Variants in EHMT1 observed in about 807,000 individuals in gnomAD.
EHMT1 encodes the protein euchromatic histone lysine methyltransferase 1.
A neutral mutation model predicts 147.2 loss-of-function variants in EHMT1; 15 were observed. The ratio of observed to expected loss-of-function variants is 0.10; its 90% confidence interval spans 0.07 to 0.16. EHMT1 has a LOEUF of 0.16. Ranked by LOEUF, EHMT1 falls within the 10% of genes least tolerant of loss-of-function variation. EHMT1 has a pLI of 1.00. For synonymous variants in EHMT1, 795 were observed against 709.6 expected (o/e 1.12, Z -1.91); for missense variants, 1,587 against 1,772.4 (o/e 0.90, Z 1.88).
intron 10 of EHMT1, among the ~76,000 whole-genome samples, chr9:137,768,762 G>T (rs1454810661): frequency 6.6e-6 from 1 of 151,362 alleles, no homozygotes; most frequent in Non-Finnish European, 1.5e-5. Context: ...TTTTTAGCCG[G>T]GATGGTCTCG....
chr9:137,772,733 C>T (rs1472698503), intron 10 of EHMT1, among the ~76,000 whole-genome samples: 2 of 152,222 alleles, frequency 1.3e-5, no homozygotes, highest in South Asian at 2.1e-4. Context: ...CTTCAGGATC[C>T]GGTCAGCAGT....
chr9:137,832,209 C>T (rs2133099363), intron 25 of EHMT1, among the ~76,000 whole-genome samples: 1 of 151,094 alleles, frequency 6.6e-6, no homozygotes, highest in Non-Finnish European at 1.5e-5. Context: ...GCCCCACCTC[C>T]TACATGGCCT....
intron 1 of EHMT1, among the ~76,000 whole-genome samples, chr9:137,669,343 A>AAGACCCACAGCACGTGCACT (rs1564562442): frequency 1.3e-4 from 1 of 7,456 alleles, no homozygotes; most frequent in Admixed American, 1.6e-3. Context: ...CGTGGACCCC[A>AAGACCCACAGCACGTGCACT]CACCACCCAA....
chr9:137,706,688 T>C (rs1944296676), intron 1 of EHMT1, among the ~76,000 whole-genome samples: 1 of 152,056 alleles, frequency 6.6e-6, no homozygotes, highest in Non-Finnish European at 1.5e-5. Flanking sequence ...GGTTTTGCCA[T>C]GTTGGCCAGA....
intron 1 of EHMT1, among the ~76,000 whole-genome samples, chr9:137,688,308 G>A (rs1942634272): frequency 6.6e-6 from 1 of 152,222 alleles, no homozygotes; most frequent in Non-Finnish European, 1.5e-5. Context: ...ATAAGAGTGA[G>A]CCATTGTGCC....
chr9:137,812,468 G>A (rs1954572365), intron 19 of EHMT1, among the ~76,000 whole-genome samples: 1 of 152,256 alleles, frequency 6.6e-6, no homozygotes, highest in South Asian at 2.1e-4. Flanking sequence ...AACTGTGGGT[G>A]CTCCAGGCAC....
intron 1 of EHMT1, among the ~76,000 whole-genome samples, chr9:137,694,479 G>A (rs923416837): frequency 4.6e-5 from 7 of 152,200 alleles, no homozygotes; most frequent in African/African-American, 9.7e-5. Flanking sequence ...GGCCGGCTCC[G>A]TGCCCTTCTT....
chr9:137,723,687 C>T (rs763249119), intron 3 of EHMT1, among the ~76,000 whole-genome samples: 1 of 152,244 alleles, frequency 6.6e-6, no homozygotes, highest in African/African-American at 2.4e-5. Context: ...CCTGCCACCC[C>T]AAACCCAATT....
At chr9:137,765,750 C>G (rs935709769) in intron 10 of EHMT1, among the ~76,000 whole-genome samples, 1 of 150,260 alleles carries the variant, frequency 6.7e-6, no homozygotes, top group African/African-American at 2.5e-5. Flanking sequence ...ACTCCCACAA[C>G]GCCCACTTCC....
intron 1 of EHMT1, among the ~76,000 whole-genome samples, chr9:137,632,628 T>C (rs1380517553): frequency 6.6e-6 from 1 of 152,210 alleles, no homozygotes; most frequent in African/African-American, 2.4e-5. Context: ...GGTCTCGAGC[T>C]CTTGGACTCA....
chr9:137,794,686 A>G (rs531143577), intron 16 of EHMT1, among the ~76,000 whole-genome samples: 46 of 152,006 alleles, frequency 3.0e-4, no homozygotes, highest in African/African-American at 1.0e-3. Flanking sequence ...AAAACAGCAC[A>G]TTACATCTAG....
intron 16 of EHMT1, among the ~76,000 whole-genome samples, chr9:137,793,428 C>G (rs1952671337): frequency 6.6e-6 from 1 of 152,226 alleles, no homozygotes; most frequent in South Asian, 2.1e-4. Flanking sequence ...TCGGAACTCT[C>G]ACGCGTTGCT....
intron 4 of EHMT1, among the ~76,000 whole-genome samples, chr9:137,741,933 T>C (rs1016708989): frequency 1.3e-5 from 2 of 152,230 alleles, no homozygotes; most frequent in African/African-American, 4.8e-5. Context: ...AAAATATCTA[T>C]TCAAAATATC....
At position 137,834,806 on chromosome 9, in the gene EHMT1, AG is replaced by A; in HGVS notation, c.3752del (p.Gly1251AlafsTer95). 1 of 1,612,852 alleles carries A rather than the reference AG, an allele frequency of 6.2e-7. No homozygotes were observed. The highest frequency in any genetic ancestry group is 1.1e-5 in the South Asian group (1 of 91,072). The stretch of plus-strand genomic sequence containing the variant: ...ATGGAGAGCGCTTCTGGGACATCAA[AG>A]GCAAGCTCTTCAGCTGCCGCTGCGG... ...DYGERFWDIK[G>X]KLFSCRCGSP... On this transcript the variant is annotated frameshift_variant, in exon 27 of 27. Transcript: ENST00000460843. LOFTEE classifies it high-confidence loss of function.
rs530997578 is a variant in EHMT1 at position 137,721,069 on chromosome 9, C to T, written c.642+3887C>T. Among the ~76,000 whole-genome samples the T allele has an allele frequency of 3.9e-5, 6 of 152,070 alleles. No individual in the cohort carries two copies. In the East Asian group the frequency reaches 5.8e-4, roughly 15 times the overall value. Reference sequence around the variant, plus strand: ...TTTTATTTAGCGCTTCTGTTGGGTGCGCTGGTGTTTCCTCGAGGCTTCAGC... The same window carrying T: ...TTTTATTTAGCGCTTCTGTTGGGTGTGCTGGTGTTTCCTCGAGGCTTCAGC... On this transcript the variant is annotated intron_variant, in intron 3 of 26. Coordinates refer to ENST00000460843, the MANE Select transcript of EHMT1 (RefSeq NM_024757.5).
chr9:137,813,099 C>CGCTCTGCAGATGAGCAAG lies in EHMT1; in HGVS notation c.2971_2988dup (p.Met991_Gln996dup). On this transcript the variant is annotated inframe_insertion, in exon 20 of 27. Transcript: ENST00000460843. The surrounding 1 kb of genome is among the most constrained non-coding windows in gnomAD (Gnocchi z 4.9). ...CGAGCCTCAACTCTCAGGTGTGGAG[C>CGCTCTGCAGATGAGCAAG]GCTCTGCAGATGAGCAAGGCTCTGC... 6.2e-7 allele frequency: 1 copy of CGCTCTGCAGATGAGCAAG among 1,613,510 alleles called. No individual in the cohort carries two copies. Among genetic ancestry groups the CGCTCTGCAGATGAGCAAG allele is most frequent in the Non-Finnish European group, 8.5e-7 (1 of 1,180,030 alleles).
At chr9:137,636,453 T>C (rs940717081) in intron 1 of EHMT1, among the ~76,000 whole-genome samples, 2 of 152,212 alleles carry the variant, frequency 1.3e-5, no homozygotes, top group African/African-American at 4.8e-5. Flanking sequence ...TGGTGAAAGC[T>C]GACATTCCCA....
In EHMT1 at chr9:137,728,469, T is replaced by C; in HGVS notation, c.763T>C (p.Ser255Pro). ...GRQQLLPPFP[S>P]LHQSLPQNQC... ...ACAGCAGCTTTTACCCCCCTTCCCATCCCTTCATCAGTCGCTACCTCAGAA... is the reference window on the plus strand; with the variant it reads ...ACAGCAGCTTTTACCCCCCTTCCCACCCCTTCATCAGTCGCTACCTCAGAA... Residue 255 changes from serine to proline, a missense_variant, in exon 4 of 27, where the codon TCC becomes CCC. Physicochemically the swap from Ser to Pro is moderately conservative, Grantham distance 74. Transcript: ENST00000460843. 1 of 1,613,984 alleles carries C rather than the reference T, an allele frequency of 6.2e-7. No individual in the cohort carries two copies. Among genetic ancestry groups the C allele is most frequent in the South Asian group, 1.1e-5 (1 of 91,068 alleles).
chr9:137,815,734 G>C, intron 22 of EHMT1: 1 of 606,616 alleles, frequency 1.6e-6, no homozygotes, highest in Admixed American at 2.3e-5. Context: ...GCTCCAGGGG[G>C]TCTCCACAAC....
Sources: gnomAD v4.1 joint callset for allele counts (sites outside exome capture counted in the v4.1 genomes callset) on GRCh38, gnomAD v4.1.1 for gene constraint, Gnocchi (gnomAD v3.1) non-coding constraint, MANE v1.5 for transcripts, NCBI Gene and HGNC (gene_info 2026-07-23, HGNC 2026-07-21) for gene names.